DGKB: variants seen among roughly 807,000 people sequenced by gnomAD.
The protein encoded by DGKB is diacylglycerol kinase beta.
DGKB carries 67 observed loss-of-function variants against 114.3 expected under a neutral mutation model. That is an observed-to-expected ratio of 0.59 (90% confidence interval 0.48 to 0.72). The LOEUF (loss-of-function observed/expected upper bound fraction) is 0.72. Among genes scored for constraint, DGKB ranks in the 30% least tolerant of loss-of-function variants. DGKB has a pLI of 0.00. For missense variants in DGKB, 907 were observed against 975.2 expected, an observed-to-expected ratio of 0.93 and a Z score of 0.93; for synonymous variants, 398 against 323.1, an observed-to-expected ratio of 1.23 and a Z score of -2.49.
intron 21 of DGKB, among the ~76,000 whole-genome samples, chr7:14,433,838 C>A (rs1828848128): frequency 6.6e-6 from 1 of 151,902 alleles, no homozygotes; most frequent in African/African-American, 2.4e-5. Context: ...GGGATGGGAC[C>A]CAAGTCTAAA....
chr7:14,774,209 A>C (rs1380361358), intron 2 of DGKB, among the ~76,000 whole-genome samples: 1 of 152,196 alleles, frequency 6.6e-6, no homozygotes, highest in Non-Finnish European at 1.5e-5. Context: ...CTGAGAAAAC[A>C]CTTGGAAAGT....
intron 15 of DGKB, among the ~76,000 whole-genome samples, chr7:14,615,554 G>T (rs972786932): frequency 2.6e-5 from 4 of 151,664 alleles, no homozygotes; most frequent in Non-Finnish European, 4.4e-5. Flanking sequence ...AATTTTTAGG[G>T]GTAGTTAAAT....
chr7:14,570,391 A>G (rs1004005992), intron 20 of DGKB, among the ~76,000 whole-genome samples: 2 of 151,938 alleles, frequency 1.3e-5, no homozygotes, highest in African/African-American at 4.8e-5. Context: ...TTGTATTTAA[A>G]TACAATTGAC....
At chr7:14,710,366 A>G (rs1481446161) in intron 6 of DGKB, among the ~76,000 whole-genome samples, 1 of 152,156 alleles carries the variant, frequency 6.6e-6, no homozygotes, top group Non-Finnish European at 1.5e-5. Context: ...CCTTGTAGGC[A>G]TAGATCTTGC....
intron 1 of DGKB, among the ~76,000 whole-genome samples, chr7:14,846,116 C>G (rs1373786322): frequency 2.0e-5 from 3 of 152,160 alleles, no homozygotes; most frequent in Non-Finnish European, 4.4e-5. Context: ...ATAACAAGGA[C>G]AGCTTCTCTG....
chr7:14,566,922 T>C (rs1797469648), intron 20 of DGKB, among the ~76,000 whole-genome samples: 1 of 151,328 alleles, frequency 6.6e-6, no homozygotes, highest in Non-Finnish European at 1.5e-5. Context: ...AGATCTACGG[T>C]TGATGTCCTT....
At chr7:14,949,936 A>C (rs1274681960) in intron 1 of DGKB, among the ~76,000 whole-genome samples, 1 of 149,780 alleles carries the variant, frequency 6.7e-6, no homozygotes, top group African/African-American at 2.4e-5. Flanking sequence ...GAAACATCAC[A>C]CACAGGAGCT....
At chr7:14,399,955 C>CA in intron 21 of DGKB, among the ~76,000 whole-genome samples, 1 of 151,612 alleles carries the variant, frequency 6.6e-6, no homozygotes, top group East Asian at 1.9e-4. Context: ...TAGAATATTA[C>CA]AAAAAACACC....
At chr7:14,421,213 T>C (rs907402441) in intron 21 of DGKB, among the ~76,000 whole-genome samples, 2 of 152,042 alleles carry the variant, frequency 1.3e-5, no homozygotes, top group Admixed American at 6.6e-5. Flanking sequence ...GTAGAGGGTA[T>C]TTTCACCTTA....
intron 23 of DGKB, among the ~76,000 whole-genome samples, chr7:14,251,656 A>T (rs1458593227): frequency 6.6e-6 from 1 of 151,614 alleles, no homozygotes; most frequent in East Asian, 1.9e-4. Context: ...CAACTTAAGA[A>T]CTCTAGCTTT....
chr7:14,308,429 G>A, intron 23 of DGKB, among the ~76,000 whole-genome samples: 1 of 152,196 alleles, frequency 6.6e-6, no homozygotes, highest in South Asian at 2.1e-4. Context: ...CTACTATTTA[G>A]ATACTATTAA....
chr7:14,843,553 C>T (rs1197393496), intron 1 of DGKB, among the ~76,000 whole-genome samples: 1 of 151,582 alleles, frequency 6.6e-6, no homozygotes, highest in Non-Finnish European at 1.5e-5. Context: ...CCAGGATGGT[C>T]TCGATCTCCT....
chr7:14,227,191 T>A (rs1790939127), intron 23 of DGKB, among the ~76,000 whole-genome samples: 1 of 152,098 alleles, frequency 6.6e-6, no homozygotes, highest in South Asian at 2.1e-4. Flanking sequence ...GACACTACTG[T>A]GTTTCCTTCA....
intron 21 of DGKB, among the ~76,000 whole-genome samples, chr7:14,457,422 T>C (rs137967356): frequency 6.6e-6 from 1 of 152,154 alleles, no homozygotes; most frequent in South Asian, 2.1e-4. Flanking sequence ...TTAAAGTAAA[T>C]ATAGTATTGC....
At chr7:14,421,680 T>C (rs1043993580) in intron 21 of DGKB, among the ~76,000 whole-genome samples, 2 of 152,108 alleles carry the variant, frequency 1.3e-5, no homozygotes, top group Non-Finnish European at 2.9e-5. Context: ...GATATTTTAT[T>C]GGGTAGAGTA....
At chr7:14,491,523 T>A (rs1055577649) in intron 20 of DGKB, among the ~76,000 whole-genome samples, 1 of 152,132 alleles carries the variant, frequency 6.6e-6, no homozygotes, top group African/African-American at 2.4e-5. Flanking sequence ...TCACTTGATG[T>A]TAATTTTCAT....
intron 25 of DGKB, among the ~76,000 whole-genome samples, chr7:14,160,119 G>A (rs184108655): frequency 5.9e-5 from 9 of 152,054 alleles, no homozygotes; most frequent in Non-Finnish European, 1.2e-4. Flanking sequence ...AAGTCTTTGA[G>A]TTTTTCAAAA....
At chr7:14,607,017 T>A (rs1200920349) in intron 17 of DGKB, among the ~76,000 whole-genome samples, 2 of 152,018 alleles carry the variant, frequency 1.3e-5, no homozygotes, top group East Asian at 3.9e-4. Flanking sequence ...GTTCCAATAA[T>A]GGAACACTAG....
At chr7:14,710,210 T>C (rs1463835274) in intron 6 of DGKB, among the ~76,000 whole-genome samples, 1 of 152,240 alleles carries the variant, frequency 6.6e-6, no homozygotes, top group East Asian at 1.9e-4. Flanking sequence ...TTCATATTGT[T>C]CTGTATAGAG....
Sources: allele counts gnomAD v4.1 joint callset (sites outside exome capture counted in the v4.1 genomes callset), GRCh38; gene constraint gnomAD v4.1.1; transcripts MANE v1.5; gene names NCBI Gene and HGNC (gene_info 2026-07-23, HGNC 2026-07-21).